The following CDH5 variants were observed in gnomAD, a reference collection of about 807,000 sequenced individuals.
The protein encoded by CDH5 is cadherin 5, also known as cadherin-5.
Under a neutral mutation model 62.0 loss-of-function variants are expected in CDH5, and 28 were observed. The ratio of observed to expected loss-of-function variants is 0.45; its 90% CI spans 0.33 to 0.62. The LOEUF is 0.62. Among genes scored for constraint, CDH5 ranks in the 20% least tolerant of loss-of-function variants. The pLI, the probability that CDH5 is intolerant of heterozygous loss-of-function variation, is 0.02. For synonymous variants in CDH5, 464 were observed against 445.8 expected, an observed-to-expected ratio of 1.04 and a Z score of -0.52; for missense variants, 940 against 1,065.1, an observed-to-expected ratio of 0.88 and a Z score of 1.63.
At chr16:66,381,381 G>A (rs1346994915) in intron 2 of CDH5, among the ~76,000 whole-genome samples, 3 of 152,198 alleles carry the variant, frequency 2.0e-5, no homozygotes, top group Admixed American at 2.0e-4. Context: ...CTGAGTGACT[G>A]CTGAATTGCC....
Position 66,398,571 on chromosome 16 carries a change from A to G in CDH5, c.1591+10A>G, listed in dbSNP as rs1180286930. On this transcript the variant is annotated intron_variant, in intron 10 of 11. Coordinates refer to ENST00000341529, the MANE Select transcript of CDH5 (RefSeq NM_001795.5). ...CTCACGGATAATCACGGTAGGCATCAAAGTAATCAGTTCAGCTGGGCGTGA... is the reference window on the plus strand; with the variant it reads ...CTCACGGATAATCACGGTAGGCATCGAAGTAATCAGTTCAGCTGGGCGTGA... 1 of 1,386,504 alleles carries G rather than the reference A, an allele frequency of 7.2e-7. No individual in the cohort carries two copies. Among genetic ancestry groups the G allele is most frequent in the Admixed American group, 1.7e-5 (1 of 59,704 alleles). The allele number at this position is 1,386,504 out of a possible 1,614,324, so 85.9% of individuals were successfully genotyped here. A position where few individuals can be genotyped will look rare whatever the true frequency, so the allele number is the denominator to read the frequency against.
chr16:66,376,333 A>C (rs1960786351), intron 1 of CDH5: 1 of 152,188 alleles, frequency 6.6e-6, no homozygotes, highest in Admixed American at 6.5e-5. Flanking sequence ...ATTGTTGACC[A>C]AACAGTCATT....
rs555981153 is a variant in CDH5 at position 66,369,480 on chromosome 16, A to G, written c.-20+2722A>G. On this transcript the variant is annotated intron_variant, in intron 1 of 11. Transcript: ENST00000341529. ...GCCTCCATTACAGATAAGGAAGCTG[A>G]GGCTCAGCAAGCAAGAGATGAACCC... 1.8e-3 allele frequency among the ~76,000 whole-genome samples: 268 copies of G among 152,286 alleles called. 2 individuals carry two copies. The highest frequency in any genetic ancestry group is 6.2e-3 in the African/African-American group (258 of 41,554).
chr16:66,381,904 C>T (rs1960905682), intron 2 of CDH5, among the ~76,000 whole-genome samples: 1 of 152,240 alleles, frequency 6.6e-6, no homozygotes, highest in Non-Finnish European at 1.5e-5. Context: ...TATTTGCTCC[C>T]TGCCCTTTAC....
At chr16:66,375,391 A>G (rs1812181204) in intron 1 of CDH5, among the ~76,000 whole-genome samples, 1 of 152,044 alleles carries the variant, frequency 6.6e-6, no homozygotes, top group South Asian at 2.1e-4. Context: ...AAAATTTAAA[A>G]ATTAGCCAGA....
At position 66,379,416 on chromosome 16, in the gene CDH5, G is replaced by A. The variant is rs754808780; in HGVS notation, c.79G>A (p.Gly27Ser). 6.2e-7 allele frequency: 1 copy of A among 1,614,162 alleles called. No homozygotes were observed. Residue 27 changes from glycine (G) to serine (S), a missense_variant, in exon 2 of 12, where the codon GGT becomes AGT. Transcript: ENST00000341529. Reference protein sequence around the residue: ...LLAVAAVAAAGANPAQRDTHS... With the variant: ...LLAVAAVAAASANPAQRDTHS... ...GGCAGTGGCAGCAGTGGCAGCAGCA[G>A]GTGCTAACCCTGCCCAACGGGACAC...
At chr16:66,402,332 C>A (rs1469844674) in intron 11 of CDH5, among the ~76,000 whole-genome samples, 2 of 149,762 alleles carry the variant, frequency 1.3e-5, no homozygotes, top group East Asian at 3.9e-4. Context: ...GCTGAGCATC[C>A]GCACCTGCCC....
In CDH5 at chr16:66,396,199, C is replaced by T. The variant is rs1164820831; in HGVS notation, c.1358C>T (p.Thr453Ile). The change falls in exon 8 of 12, where the codon ACT becomes ATT. Residue 453 changes from threonine to isoleucine, a missense_variant and splice_region_variant. Transcript: ENST00000341529. ...GTGGAGGCCAAAGAACTGGATTCCA[C>T]TGGTGAGTGGCCACATCTGCCAGGG... ...LTVEAKELDSTGTPTGKESIV... is the reference protein window; with the variant it reads ...LTVEAKELDSIGTPTGKESIV... 39 of 1,614,010 alleles carry T rather than the reference C, an allele frequency of 2.4e-5. No homozygotes were observed. Among genetic ancestry groups the T allele is most frequent in the Non-Finnish European group, 3.2e-5 (38 of 1,179,992 alleles).
chr16:66,379,609 G>A, intron 2 of CDH5, 62 bp downstream of exon 2: 1 of 1,451,254 alleles, frequency 6.9e-7, no homozygotes, highest in Non-Finnish European at 9.7e-7. Context: ...GACAAGTGGT[G>A]GTGGTGATGG....
At chr16:66,374,272 TG>T (rs1475105325) in intron 1 of CDH5, among the ~76,000 whole-genome samples, 1 of 152,180 alleles carries the variant, frequency 6.6e-6, no homozygotes, top group Non-Finnish European at 1.5e-5. Context: ...GGCTCTGGCA[TG>T]GGGGTGCAAA....
chr16:66,392,799 A>C, intron 7 of CDH5: 3 of 179,502 alleles, frequency 1.7e-5, no homozygotes, highest in East Asian at 3.4e-4. Context: ...ATACAGTGAA[A>C]CAACACAGAG....
chr16:66,404,136 G>T lies in CDH5; in HGVS notation c.*967G>T, dbSNP rs1195205532. ...TTTCTCTGTCTACTCCTTATCCCTT[G>T]GTTTAGAGGAACCCAAGATGTGGCC... On this transcript the variant is annotated 3_prime_UTR_variant, in exon 12 of 12. Transcript: ENST00000341529. The T allele has an allele frequency of 6.6e-6, 1 of 152,662 alleles. No individual in the cohort carries two copies. The highest frequency in any genetic ancestry group is 1.5e-5 in the Non-Finnish European group (1 of 68,078). 9.5% of individuals were successfully genotyped at this position (152,662 alleles called of 1,614,324 possible).
At chr16:66,401,381 C>A (rs960573098) in intron 11 of CDH5, among the ~76,000 whole-genome samples, 1 of 152,260 alleles carries the variant, frequency 6.6e-6, no homozygotes, top group East Asian at 1.9e-4. Flanking sequence ...TTACATAAAA[C>A]CTATTTTTGA....
At chr16:66,368,950 G>A (rs1960636196) in intron 1 of CDH5, among the ~76,000 whole-genome samples, 1 of 152,212 alleles carries the variant, frequency 6.6e-6, no homozygotes, top group Non-Finnish European at 1.5e-5. Flanking sequence ...TAAAAAGTCT[G>A]TCCTGATCCA....
chr16:66,373,185 C>T (rs1235745539), intron 1 of CDH5, among the ~76,000 whole-genome samples: 22 of 152,174 alleles, frequency 1.4e-4, no homozygotes, highest in Admixed American at 1.4e-3. Flanking sequence ...TCTCTGGAAA[C>T]TGCTGAGAAC....
intron 1 of CDH5, among the ~76,000 whole-genome samples, chr16:66,377,058 T>C (rs978144523): frequency 6.6e-6 from 1 of 152,196 alleles, no homozygotes; most frequent in Non-Finnish European, 1.5e-5. Context: ...CACTTCTCAC[T>C]TGAGGCAGGA....
rs773389772 is a variant in CDH5, at chr16:66,386,790, G to A, written c.211-19G>A. 128 of 1,578,092 alleles carry A rather than the reference G, an allele frequency of 8.1e-5. No individual in the cohort carries two copies. The highest frequency in any genetic ancestry group is 1.3e-4 in the African/African-American group (10 of 74,194). On this transcript the variant is annotated intron_variant, in intron 2 of 11. Coordinates refer to ENST00000341529, the MANE Select transcript of CDH5 (RefSeq NM_001795.5). ...CCACTGCCGCCCATTCCCAGCTCAC[G>A]TCACCTCTTCTTTTCTAGATCAAGT...
At position 66,403,354 on chromosome 16, in the gene CDH5, T is replaced by A; in HGVS notation, c.*185T>A. On this transcript the variant is annotated 3_prime_UTR_variant, in exon 12 of 12. Coordinates refer to ENST00000341529, the MANE Select transcript of CDH5 (RefSeq NM_001795.5). This position sits in a 1 kb window ranked among gnomAD's most constrained non-coding sequence, Gnocchi z 4.3. Reference sequence around the variant, plus strand: ...CAGGTTCCTGAAATATCCAGGAATATATGTCAGTGATGACTATTCTCAAAT... The same window carrying A: ...CAGGTTCCTGAAATATCCAGGAATAAATGTCAGTGATGACTATTCTCAAAT... 5.0e-6 allele frequency: 3 copies of A among 604,582 alleles called. No homozygotes were observed. In the South Asian group the frequency reaches 6.0e-5, roughly 12 times the overall value. 37.5% of individuals were successfully genotyped at this position (604,582 alleles called of 1,614,324 possible). A position where few individuals can be genotyped will look rare whatever the true frequency, so the allele number is the denominator to read the frequency against.
intron 8 of CDH5, 111 bp from the exon 9 acceptor site, chr16:66,397,871 C>A: frequency 8.1e-7 from 1 of 1,229,796 alleles, no homozygotes; most frequent in Non-Finnish European, 1.2e-6. Flanking sequence ...GTTCCACAGC[C>A]TCCTCCTGCA....
Sources: allele counts gnomAD v4.1 joint callset (sites outside exome capture counted in the v4.1 genomes callset), GRCh38; gene constraint gnomAD v4.1.1; non-coding constraint Gnocchi (gnomAD v3.1); transcripts MANE v1.5; gene names NCBI Gene and HGNC (gene_info 2026-07-23, HGNC 2026-07-21).